The following TMEM181 variants were observed in gnomAD, a reference collection of about 807,000 sequenced individuals.
The protein encoded by TMEM181 is transmembrane protein 181.
In TMEM181, 39 loss-of-function variants were observed where a neutral mutation model predicts 71.9. The ratio of observed to expected loss-of-function variants is 0.54; its 90% CI spans 0.42 to 0.71. The LOEUF (loss-of-function observed/expected upper bound fraction) is 0.71, where lower values mean the gene tolerates loss of function less well. Ranked by LOEUF, TMEM181 falls within the 30% of genes least tolerant of loss-of-function variation. The pLI, the probability that TMEM181 is intolerant of heterozygous loss-of-function variation, is 0.00. For missense variants in TMEM181, 595 were observed against 583.0 expected, an observed-to-expected ratio of 1.02 and a Z score of -0.21; for synonymous variants, 245 against 228.8, an observed-to-expected ratio of 1.07 and a Z score of -0.64.
rs1782996074 is a variant in TMEM181, at chr6:158,573,557, C to T, written c.112+34C>T. On this transcript the variant is annotated intron_variant, in intron 2 of 16. Coordinates refer to ENST00000684151, the MANE Select transcript of TMEM181 (RefSeq NM_001376852.1). ...CGGTTTTTACTCATTGAATCTTTTG[C>T]CATGCGCGGTGGCCCTGGCGTATTG... The T allele has an allele frequency of 1.9e-6, 3 of 1,543,030 alleles. No individual in the cohort carries two copies. In the South Asian group the frequency reaches 3.5e-5, roughly 18 times the overall value.
intron 6 of TMEM181, among the ~76,000 whole-genome samples, chr6:158,601,239 C>G (rs560070322): frequency 1.3e-5 from 2 of 152,128 alleles, no homozygotes; most frequent in Non-Finnish European, 2.9e-5. Context: ...GTTTTTAATA[C>G]GCATCATCTC....
chr6:158,536,982 C>T (rs1401865274), intron 1 of TMEM181: 8 of 526,678 alleles, frequency 1.5e-5, no homozygotes, highest in Admixed American at 6.4e-5. Flanking sequence ...CTCCGCCGGC[C>T]GGGCGCGGAG....
intron 2 of TMEM181, among the ~76,000 whole-genome samples, chr6:158,580,501 C>T (rs1455923350): frequency 5.3e-5 from 8 of 152,128 alleles, no homozygotes; most frequent in South Asian, 2.1e-4. Context: ...ATGTTTATAG[C>T]CCTTAATAAG....
chr6:158,560,038 C>G, upstream of TMEM181: 1 of 985,268 alleles, frequency 1.0e-6, no homozygotes, highest in Non-Finnish European at 1.2e-6. Flanking sequence ...GCCGCGCCCT[C>G]TTCCGCCGTG....
intron 13 of TMEM181, 103 bp from the exon 14 acceptor site, chr6:158,628,305 T>C: frequency 9.6e-7 from 1 of 1,037,194 alleles, no homozygotes; most frequent in Non-Finnish European, 1.5e-6. Context: ...GAAATCATAG[T>C]GTACAGACGG....
intron 6 of TMEM181, among the ~76,000 whole-genome samples, chr6:158,592,499 G>A (rs1784162989): frequency 6.6e-6 from 1 of 151,084 alleles, no homozygotes; most frequent in South Asian, 2.1e-4. Context: ...CTGAAACGGA[G>A]TCTCACTGTG....
At chr6:158,553,752 T>C (rs905829247) in intron 1 of TMEM181, among the ~76,000 whole-genome samples, 3 of 152,214 alleles carry the variant, frequency 2.0e-5, no homozygotes, top group Admixed American at 2.0e-4. Flanking sequence ...ATTAAAGACA[T>C]TCTTAAGTCA....
chr6:158,589,679 C>T lies in TMEM181; in HGVS notation c.389C>T (p.Ala130Val), dbSNP rs775458315. 15 of 1,613,282 alleles carry T rather than the reference C, an allele frequency of 9.3e-6. No individual in the cohort carries two copies. The highest frequency in any genetic ancestry group is 6.7e-5 in the East Asian group (3 of 44,876). ...CTTTCTGTGTATTTGCAGAAATGTG[C>T]GGAGATTATTGTGGCTCACCTTGGC... ...TRTLTCAGKCAEIIVAHLGYL... is the reference protein window; with the variant it reads ...TRTLTCAGKCVEIIVAHLGYL... Residue 130 changes from alanine to valine, a missense_variant, in exon 6 of 17, where the codon GCG (alanine) becomes GTG (valine). Coordinates refer to ENST00000684151, the MANE Select transcript of TMEM181 (RefSeq NM_001376852.1).
chr6:158,608,227 A>C, intron 8 of TMEM181, 106 bp from the exon 9 acceptor site: 7 of 736,412 alleles, frequency 9.5e-6, no homozygotes, highest in South Asian at 2.2e-5. Context: ...CCGCAGAGGT[A>C]TGGGGTGCTC....
chr6:158,626,711 G>C (rs140983786), intron 13 of TMEM181: 1 of 457,200 alleles, frequency 2.2e-6, no homozygotes, highest in African/African-American at 2.0e-5. Context: ...TGCTAGGTGT[G>C]CACGTTGTCT....
chr6:158,567,592 T>G (rs1249913267), intron 1 of TMEM181, among the ~76,000 whole-genome samples: 1 of 152,182 alleles, frequency 6.6e-6, no homozygotes, highest in Non-Finnish European at 1.5e-5. Context: ...GTAGCTTTGC[T>G]GGGAGAAGAG....
At chr6:158,616,268 T>A (rs1442646518) in intron 10 of TMEM181, among the ~76,000 whole-genome samples, 1 of 97,338 alleles carries the variant, frequency 1.0e-5, no homozygotes, top group African/African-American at 4.4e-5. Flanking sequence ...AGTTCACTCA[T>A]GATTTGGCTC....
intron 1 of TMEM181, among the ~76,000 whole-genome samples, chr6:158,565,605 GA>G (rs1309650248): frequency 1.3e-5 from 2 of 152,196 alleles, no homozygotes; most frequent in Admixed American, 1.3e-4. Flanking sequence ...GAAAATAGGA[GA>G]ACATGGAGGA....
At chr6:158,585,476 T>G (rs1284447738) in intron 5 of TMEM181, 51 bp downstream of exon 5, 8 of 1,404,164 alleles carry the variant, frequency 5.7e-6, no homozygotes, top group Non-Finnish European at 6.5e-6. Context: ...GTGTACACGT[T>G]TAATTACAGA....
In TMEM181 at chr6:158,611,170, C is replaced by T. The variant is rs576296880; in HGVS notation, c.896+2420C>T. On this transcript the variant is annotated intron_variant, in intron 10 of 16. Transcript: ENST00000684151. The stretch of plus-strand genomic sequence containing the variant: ...CTACTCTCCTGTCACAGAAGCTGCT[C>T]CTCTCTGGCACTGTCTTGTCCTTCT... 227 of 529,382 alleles carry T rather than the reference C, an allele frequency of 4.3e-4. 5 individuals carry two copies. The highest frequency in any genetic ancestry group is 3.1e-3 in the South Asian group (220 of 70,832). The allele number at this position is 529,382 out of a possible 1,614,324, so 32.8% of individuals were successfully genotyped here.
intron 1 of TMEM181, among the ~76,000 whole-genome samples, chr6:158,550,295 A>G (rs1309520054): frequency 6.6e-6 from 1 of 150,922 alleles, no homozygotes; most frequent in East Asian, 2.0e-4. Flanking sequence ...TCTGCCCGCC[A>G]TGGCCTCCCA....
chr6:158,558,017 A>C (rs1418913597), upstream of TMEM181, among the ~76,000 whole-genome samples: 1 of 152,228 alleles, frequency 6.6e-6, no homozygotes, highest in East Asian at 1.9e-4. Context: ...GTGGTTGTTC[A>C]CATCCTTGAA....
In TMEM181 at chr6:158,572,259, G is replaced by A. The variant is rs147534161; in HGVS notation, c.9-1161G>A. ...CGGGGATGTGGGCACGCAGGCCCGTGTGAGCTTTGGACCGTGAAGCCAGTA... is the reference window on the plus strand; with the variant it reads ...CGGGGATGTGGGCACGCAGGCCCGTATGAGCTTTGGACCGTGAAGCCAGTA... On this transcript the variant is annotated intron_variant, in intron 1 of 16. Coordinates refer to ENST00000684151, the MANE Select transcript of TMEM181 (RefSeq NM_001376852.1). The A allele has an allele frequency of 4.8e-4, 178 of 371,894 alleles. 2 individuals carry two copies. Among genetic ancestry groups the A allele is most frequent in the African/African-American group, 3.0e-3 (142 of 47,986 alleles). 23.0% of individuals were successfully genotyped at this position (371,894 alleles called of 1,614,324 possible).
chr6:158,609,871 C>T (rs191033069), intron 10 of TMEM181: 53 of 236,890 alleles, frequency 2.2e-4, no homozygotes, highest in Middle Eastern at 1.5e-3. Flanking sequence ...AGGGAGCATC[C>T]GTTTCCATGA....
Sources: gnomAD v4.1 joint callset for allele counts (sites outside exome capture counted in the v4.1 genomes callset) on GRCh38, gnomAD v4.1.1 for gene constraint, MANE v1.5 for transcripts, NCBI Gene and HGNC (gene_info 2026-07-23, HGNC 2026-07-21) for gene names.